The following NRG4 variants were observed in gnomAD, a reference collection of about 807,000 sequenced individuals.
NRG4 encodes the protein pro-neuregulin-4, membrane-bound isoform.
Under a neutral mutation model 15.0 loss-of-function variants are expected in NRG4, and 10 were observed. The ratio of observed to expected loss-of-function variants is 0.67; its 90% confidence interval spans 0.41 to 1.13. NRG4 has a LOEUF of 1.13. Ranked by LOEUF, NRG4 falls within the 50% of genes most tolerant of loss-of-function variation. The pLI is 0.00. For synonymous variants in NRG4, 41 were observed against 50.1 expected, an observed-to-expected ratio of 0.82 and a Z score of 0.77; for missense variants, 139 against 140.2, an observed-to-expected ratio of 0.99 and a Z score of 0.04.
At chr15:76,011,381 G>A (rs2034805363) in intron 1 of NRG4, 95 bp from the exon 2 acceptor site, 1 of 640,364 alleles carries the variant, frequency 1.6e-6, no homozygotes. Flanking sequence ...ATTCTTAAAT[G>A]TTGAAAATAA....
chr15:76,025,079 T>C (rs1419607842), intron 5 of NRG4, among the ~76,000 whole-genome samples: 1 of 152,178 alleles, frequency 6.6e-6, no homozygotes, highest in Non-Finnish European at 1.5e-5. Flanking sequence ...TAAGGAACTA[T>C]ATGAAATACC....
intron 4 of NRG4, among the ~76,000 whole-genome samples, chr15:76,039,701 A>G (rs568440084): frequency 1.3e-5 from 2 of 152,310 alleles, no homozygotes; most frequent in African/African-American, 4.8e-5. Context: ...CAAAGGGATA[A>G]TAAGAGAGAA....
chr15:76,020,744 A>G (rs2035125289), intron 5 of NRG4, among the ~76,000 whole-genome samples: 1 of 152,268 alleles, frequency 6.6e-6, no homozygotes, highest in Admixed American at 6.5e-5. Context: ...CCTAATCCAG[A>G]GCAAGGCCCT....
intron 4 of NRG4, among the ~76,000 whole-genome samples, chr15:76,044,840 CAAA>C (rs35017424): frequency 4.8e-5 from 3 of 62,464 alleles, no homozygotes; most frequent in Non-Finnish European, 6.9e-5. Context: ...GACTCTGTCT[CAAA>C]AAAAAAAAAA....
intron 5 of NRG4, among the ~76,000 whole-genome samples, chr15:75,951,365 A>C (rs2031895085): frequency 6.6e-6 from 1 of 151,404 alleles, no homozygotes. Flanking sequence ...ACAGGGTTTC[A>C]CCATGTTGGC....
At chr15:76,057,472 C>T (rs866198843) in intron 1 of NRG4, among the ~76,000 whole-genome samples, 3 of 152,266 alleles carry the variant, frequency 2.0e-5, no homozygotes, top group Admixed American at 6.5e-5. Context: ...AATCCTCCTC[C>T]GGTGTTAGGC....
At chr15:75,948,959 G>A (rs1257378860) in intron 5 of NRG4, among the ~76,000 whole-genome samples, 1 of 152,182 alleles carries the variant, frequency 6.6e-6, no homozygotes, top group Non-Finnish European at 1.5e-5. Context: ...GCTGAGGCAA[G>A]AGGACTGCTT....
chr15:76,047,089 G>T (rs1353544136), intron 4 of NRG4, among the ~76,000 whole-genome samples: 1 of 150,772 alleles, frequency 6.6e-6, no homozygotes, highest in South Asian at 2.1e-4. Flanking sequence ...TCAGAGAAAT[G>T]CAAATCAAAA....
chr15:75,952,804 T>G (rs2031990675), intron 5 of NRG4, among the ~76,000 whole-genome samples: 1 of 152,138 alleles, frequency 6.6e-6, no homozygotes, highest in South Asian at 2.1e-4. Flanking sequence ...TACATATTAT[T>G]TGGAGAACTC....
chr15:76,059,940 G>C (rs1432409446), upstream of NRG4: 1 of 147,724 alleles, frequency 6.8e-6, no homozygotes, highest in Non-Finnish European at 1.5e-5. Context: ...GCGGGGGGGC[G>C]GAGAGGGGAG....
chr15:75,988,868 T>C (rs939875423), intron 3 of NRG4, among the ~76,000 whole-genome samples: 5 of 149,468 alleles, frequency 3.3e-5, no homozygotes, highest in African/African-American at 1.2e-4. Flanking sequence ...TTTTTTTTTT[T>C]TTTTTTTGAG....
At chr15:76,012,233 T>A (rs1034883872) in intron 1 of NRG4, 86 bp downstream of exon 1, 2 of 152,130 alleles carry the variant, frequency 1.3e-5, no homozygotes, top group Non-Finnish European at 2.9e-5. Flanking sequence ...AAGGAGAACA[T>A]TAAATCTATT....
At chr15:75,950,380 A>G (rs1478048838) in intron 5 of NRG4, 1 of 181,278 alleles carries the variant, frequency 5.5e-6, no homozygotes, top group Non-Finnish European at 1.2e-5. Context: ...CTTCTTGGAG[A>G]AAAGGAAAGG....
intron 3 of NRG4, among the ~76,000 whole-genome samples, chr15:76,004,186 T>C (rs1310042435): frequency 6.6e-6 from 1 of 152,202 alleles, no homozygotes; most frequent in African/African-American, 2.4e-5. Context: ...GTGATTGAAG[T>C]TAAGCTGGTA....
At chr15:76,055,034 CT>C (rs76705022) in intron 2 of NRG4, among the ~76,000 whole-genome samples, 71,241 of 151,914 alleles carry the variant, frequency 0.47, 17,567 homozygotes, top group South Asian at 0.66. Context: ...AATCCCAGCA[CT>C]TTGGGAGGCT....
upstream of NRG4, among the ~76,000 whole-genome samples, chr15:76,014,566 A>G (rs2034918071): frequency 1.3e-5 from 2 of 152,170 alleles, no homozygotes; most frequent in Non-Finnish European, 2.9e-5. Context: ...GCATATGGCT[A>G]TCCAATTTTC....
chr15:75,975,381 TC>T (rs1376296548), intron 3 of NRG4, among the ~76,000 whole-genome samples: 1 of 152,230 alleles, frequency 6.6e-6, no homozygotes, highest in Admixed American at 6.5e-5. Context: ...GTGGATTTGA[TC>T]CTGTCATTAT....
At chr15:75,968,573 C>T (rs1011695294) in intron 3 of NRG4, among the ~76,000 whole-genome samples, 2 of 133,708 alleles carry the variant, frequency 1.5e-5, no homozygotes, top group Non-Finnish European at 3.1e-5. Flanking sequence ...GGCGATAGAG[C>T]GAAACTCCAT....
intron 5 of NRG4, among the ~76,000 whole-genome samples, chr15:76,033,296 C>T (rs2035519898): frequency 6.6e-6 from 1 of 152,168 alleles, no homozygotes; most frequent in Non-Finnish European, 1.5e-5. Flanking sequence ...TGGCTCACGC[C>T]TGTCATCCTA....
Sources: gnomAD v4.1 joint callset for allele counts (sites outside exome capture counted in the v4.1 genomes callset) on GRCh38, gnomAD v4.1.1 for gene constraint, MANE v1.5 for transcripts, NCBI Gene and HGNC (gene_info 2026-07-23, HGNC 2026-07-21) for gene names.